DSCAM: variants seen among roughly 807,000 people sequenced by gnomAD.
DSCAM encodes the protein DS cell adhesion molecule, also known as cell adhesion molecule DSCAM.
Under a neutral mutation model 217.7 loss-of-function variants are expected in DSCAM, and 47 were observed. The observed-to-expected ratio is 0.22, with a 90% CI of 0.17 to 0.28. The LOEUF is 0.28. Among genes scored for constraint, DSCAM ranks in the 10% least tolerant of loss-of-function variants. The pLI, the probability that DSCAM is intolerant of heterozygous loss-of-function variation, is 1.00. For missense variants in DSCAM, 2,080 were observed against 2,618.3 expected, an observed-to-expected ratio of 0.79 and a Z score of 4.49; for synonymous variants, 1,056 against 1,015.3, an observed-to-expected ratio of 1.04 and a Z score of -0.76.
At chr21:40,242,371 T>C (rs532213304) in intron 11 of DSCAM, among the ~76,000 whole-genome samples, 1 of 152,342 alleles carries the variant, frequency 6.6e-6, no homozygotes, top group Admixed American at 6.5e-5. Context: ...GATGGGGCCA[T>C]ATGACTGGCT....
At chr21:40,091,385 G>A (rs1000407327) in intron 21 of DSCAM, among the ~76,000 whole-genome samples, 1 of 151,896 alleles carries the variant, frequency 6.6e-6, no homozygotes, top group Non-Finnish European at 1.5e-5. Context: ...TTCCTTCCCC[G>A]GCCCCAGCAG....
chr21:40,705,803 C>G (rs1256245067), intron 2 of DSCAM, among the ~76,000 whole-genome samples: 1 of 152,158 alleles, frequency 6.6e-6, no homozygotes, highest in Non-Finnish European at 1.5e-5. Flanking sequence ...CCTCAGGACA[C>G]TGGTTTTTGG....
intron 11 of DSCAM, among the ~76,000 whole-genome samples, chr21:40,235,675 A>G (rs2091422685): frequency 6.6e-6 from 1 of 152,048 alleles, no homozygotes; most frequent in Non-Finnish European, 1.5e-5. Flanking sequence ...CACTTCTTCA[A>G]CTGTATTCAT....
intron 3 of DSCAM, among the ~76,000 whole-genome samples, chr21:40,585,964 C>T (rs1208539775): frequency 2.6e-5 from 4 of 152,208 alleles, no homozygotes; most frequent in African/African-American, 4.8e-5. Context: ...TCAAGCGATT[C>T]GCCTGCCTCA....
intron 11 of DSCAM, among the ~76,000 whole-genome samples, chr21:40,216,724 G>C (rs1367024723): frequency 6.6e-6 from 1 of 152,226 alleles, no homozygotes; most frequent in Non-Finnish European, 1.5e-5. Flanking sequence ...CAGCAGCACA[G>C]GTAACACCCA....
In DSCAM at chr21:40,236,069, T is replaced by C. The variant is rs60971201; in HGVS notation, c.2356+40028A>G. On this transcript the variant is annotated intron_variant, in intron 11 of 32. Transcript: ENST00000400454. ...TTTCCTCTGTACACTTGCTTCCATCTGCACACTTAAATATATAAACTTGTT... is the reference window on the plus strand; with the variant it reads ...TTTCCTCTGTACACTTGCTTCCATCCGCACACTTAAATATATAAACTTGTT... 1.4e-3 allele frequency among the ~76,000 whole-genome samples: 215 copies of C among 152,352 alleles called. 1 individual carries two copies. Among genetic ancestry groups the C allele is most frequent in the African/African-American group, 5.0e-3 (207 of 41,580 alleles).
chr21:40,199,801 A>G (rs1472269076), intron 11 of DSCAM, among the ~76,000 whole-genome samples: 1 of 152,142 alleles, frequency 6.6e-6, no homozygotes, highest in Non-Finnish European at 1.5e-5. Context: ...GAGGGAGAGC[A>G]TTAGGACAAA....
intron 20 of DSCAM, among the ~76,000 whole-genome samples, chr21:40,097,458 A>C (rs1272458495): frequency 6.6e-6 from 1 of 152,214 alleles, no homozygotes; most frequent in Admixed American, 6.5e-5. Context: ...CAAAGAAGTC[A>C]GAGAAAGACT....
intron 3 of DSCAM, among the ~76,000 whole-genome samples, chr21:40,508,918 T>C (rs1329114563): frequency 1.3e-5 from 2 of 150,128 alleles, no homozygotes; most frequent in Non-Finnish European, 3.0e-5. Context: ...ATTACAGGCA[T>C]GAGCCATTGT....
chr21:40,293,205 C>T (rs927255994), intron 10 of DSCAM, among the ~76,000 whole-genome samples: 8 of 152,098 alleles, frequency 5.3e-5, no homozygotes, highest in Non-Finnish European at 8.8e-5. Context: ...AGGGGCGACC[C>T]GGCCAGCGAT....
At chr21:40,363,939 A>T (rs1763689182) in intron 4 of DSCAM, among the ~76,000 whole-genome samples, 1 of 152,212 alleles carries the variant, frequency 6.6e-6, no homozygotes, top group African/African-American at 2.4e-5. Flanking sequence ...GCTCATCATC[A>T]CTGGCCATTA....
intron 1 of DSCAM, among the ~76,000 whole-genome samples, chr21:40,807,834 C>T (rs764836569): frequency 1.6e-4 from 24 of 151,966 alleles, no homozygotes; most frequent in Non-Finnish European, 2.5e-4. Context: ...CTTATCTGTC[C>T]GAGGGGTATT....
intron 20 of DSCAM, among the ~76,000 whole-genome samples, chr21:40,100,095 A>G (rs1393211146): frequency 6.6e-6 from 1 of 152,212 alleles, no homozygotes; most frequent in Non-Finnish European, 1.5e-5. Flanking sequence ...CTTGAGAGAG[A>G]GAACCATAGG....
intron 20 of DSCAM, among the ~76,000 whole-genome samples, chr21:40,118,987 T>A (rs1489773825): frequency 6.6e-6 from 1 of 152,236 alleles, no homozygotes; most frequent in Non-Finnish European, 1.5e-5. Flanking sequence ...AGCGTTTACC[T>A]GCCTATGTCA....
chr21:40,318,185 T>C (rs548835002), intron 8 of DSCAM, among the ~76,000 whole-genome samples: 94 of 57,708 alleles, frequency 1.6e-3, no homozygotes, highest in South Asian at 6.8e-3. Context: ...GGTACTGTTG[T>C]GGGGTGGGGG....
intron 1 of DSCAM, among the ~76,000 whole-genome samples, chr21:40,835,144 AT>A (rs1047468327): frequency 1.3e-5 from 2 of 152,032 alleles, no homozygotes; most frequent in Non-Finnish European, 1.5e-5. Context: ...TCTCATTTTT[AT>A]TTTTTTTATG....
chr21:40,797,781 T>A (rs1181325104), intron 1 of DSCAM, among the ~76,000 whole-genome samples: 1 of 152,198 alleles, frequency 6.6e-6, no homozygotes, highest in Non-Finnish European at 1.5e-5. Context: ...CAGCTTCTTT[T>A]TTCTCTACCT....
chr21:40,197,204 C>T (rs561084470), intron 11 of DSCAM, among the ~76,000 whole-genome samples: 14 of 152,146 alleles, frequency 9.2e-5, no homozygotes, highest in Admixed American at 5.2e-4. Flanking sequence ...CTGCAAGCTC[C>T]GCCTCCCGGG....
intron 3 of DSCAM, among the ~76,000 whole-genome samples, chr21:40,686,067 A>G (rs2090469365): frequency 6.6e-6 from 1 of 152,130 alleles, no homozygotes; most frequent in South Asian, 2.1e-4. Flanking sequence ...GGGGGATTTT[A>G]GTGTGACTGA....
Sources: gnomAD v4.1 joint callset for allele counts (sites outside exome capture counted in the v4.1 genomes callset) on GRCh38, gnomAD v4.1.1 for gene constraint, MANE v1.5 for transcripts, NCBI Gene and HGNC (gene_info 2026-07-23, HGNC 2026-07-21) for gene names.